The following PHLDB2 variants were observed in gnomAD, a reference collection of about 807,000 sequenced individuals.
The protein encoded by PHLDB2 is pleckstrin homology like domain family B member 2.
PHLDB2 carries 71 observed loss-of-function variants against 123.6 expected under a neutral mutation model. That is an observed-to-expected ratio of 0.57 (90% confidence interval 0.47 to 0.70). PHLDB2 has a LOEUF of 0.70. Ranked by LOEUF, PHLDB2 falls within the 30% of genes least tolerant of loss-of-function variation. PHLDB2 has a pLI of 0.00. For missense variants in PHLDB2, 1,446 were observed against 1,519.5 expected (o/e 0.95, Z 0.80); for synonymous variants, 547 against 541.6 (o/e 1.01, Z -0.14).
At chr3:111,926,384 A>G (rs1233802025) in intron 5 of PHLDB2, among the ~76,000 whole-genome samples, 1 of 152,224 alleles carries the variant, frequency 6.6e-6, no homozygotes, top group Admixed American at 6.5e-5. Flanking sequence ...TCTTGAGTGC[A>G]GAACAGGTGC....
intron 6 of PHLDB2, among the ~76,000 whole-genome samples, chr3:111,935,787 G>A (rs2069454548): frequency 6.7e-6 from 1 of 148,512 alleles, no homozygotes; most frequent in Admixed American, 6.8e-5. Flanking sequence ...AGCCACTCTG[G>A]CAGCTGATTA....
chr3:111,942,410 T>C (rs2069963297), intron 8 of PHLDB2, among the ~76,000 whole-genome samples: 1 of 152,236 alleles, frequency 6.6e-6, no homozygotes, highest in Non-Finnish European at 1.5e-5. Flanking sequence ...AATGTATTTG[T>C]AACCTCTAAA....
Position 111,945,111 on chromosome 3 carries a change from G to A in PHLDB2, c.2398-157G>A, listed in dbSNP as rs531677483. 9.2e-5 allele frequency among the ~76,000 whole-genome samples: 14 copies of A among 152,270 alleles called. No individual in the cohort carries two copies. The South Asian group carries it at 2.7e-3, about 29-fold the overall frequency. On this transcript the variant is annotated intron_variant, in intron 8 of 17. Transcript: ENST00000431670. Reference sequence around the variant, plus strand: ...ATCAGCTAGCAGAAGATGACCTCTAGTATACAGATTTGAAATTTTGACTGA... The same window carrying A: ...ATCAGCTAGCAGAAGATGACCTCTAATATACAGATTTGAAATTTTGACTGA...
At chr3:111,758,470 A>C (rs1403654190) in intron 1 of PHLDB2, among the ~76,000 whole-genome samples, 1 of 152,154 alleles carries the variant, frequency 6.6e-6, no homozygotes, top group Non-Finnish European at 1.5e-5. Context: ...GCGCAGTATT[A>C]GGGTGGGAGT....
chr3:111,937,021 T>C (rs1045176783), intron 6 of PHLDB2, among the ~76,000 whole-genome samples: 8 of 152,232 alleles, frequency 5.3e-5, no homozygotes, highest in Admixed American at 3.9e-4. Context: ...ACTTGAAATG[T>C]CAACCAAACA....
intron 1 of PHLDB2, among the ~76,000 whole-genome samples, chr3:111,777,976 A>G (rs1418827228): frequency 6.6e-6 from 1 of 151,886 alleles, no homozygotes; most frequent in Non-Finnish European, 1.5e-5. Context: ...ACTCCAGCAG[A>G]TATGTTTTAT....
intron 1 of PHLDB2, among the ~76,000 whole-genome samples, chr3:111,772,776 G>T (rs2060200653): frequency 6.6e-6 from 1 of 152,120 alleles, no homozygotes; most frequent in Non-Finnish European, 1.5e-5. Context: ...TGCCTTGACT[G>T]TCCATGGACC....
chr3:111,876,377 C>T (rs1341795692), intron 1 of PHLDB2, among the ~76,000 whole-genome samples: 1 of 152,104 alleles, frequency 6.6e-6, no homozygotes, highest in East Asian at 1.9e-4. Flanking sequence ...CTGCATATAA[C>T]TTTTTACTCC....
At chr3:111,952,848 C>A in intron 11 of PHLDB2, 136 bp downstream of exon 11, 1 of 1,073,186 alleles carries the variant, frequency 9.3e-7, no homozygotes, top group Non-Finnish European at 1.3e-6. Context: ...GACATCAGGA[C>A]TAAATCTCAT....
intron 2 of PHLDB2, among the ~76,000 whole-genome samples, chr3:111,887,363 C>T (rs755867986): frequency 6.6e-6 from 1 of 152,172 alleles, no homozygotes; most frequent in Non-Finnish European, 1.5e-5. Context: ...AAATTTGACA[C>T]TCTAGACTTG....
chr3:111,939,692 A>G, intron 7 of PHLDB2, 62 bp downstream of exon 7: 1 of 1,484,496 alleles, frequency 6.7e-7, no homozygotes, highest in Non-Finnish European at 9.2e-7. Flanking sequence ...TAACATAGCT[A>G]TGACATATGT....
At chr3:111,921,627 G>T (rs11919759) in intron 5 of PHLDB2, among the ~76,000 whole-genome samples, 1,546 of 90,038 alleles carry the variant, frequency 0.017, 39 homozygotes, top group African/African-American at 0.059. Flanking sequence ...TTTTTGAAAC[G>T]GAGTCTCACT....
Position 111,969,707 on chromosome 3 carries a change from C to G in PHLDB2, c.3333C>G (p.Arg1111=), listed in dbSNP as rs368092915. The change falls in exon 16 of 18, where the codon CGC becomes CGG. Residue 1111 remains arginine, a synonymous_variant. Coordinates refer to ENST00000431670, the MANE Select transcript of PHLDB2 (RefSeq NM_001134438.2). The stretch of plus-strand genomic sequence containing the variant: ...TTTTCCAGGCTCGTCCTTTGACACG[C>G]TACCTGCCTGTCCGGAAGGAAGACT... ...RQRAQARPLT[R]YLPVRKEDFD... 2.5e-6 allele frequency: 4 copies of G among 1,613,834 alleles called. No individual in the cohort carries two copies. In the African/African-American group the frequency reaches 4.0e-5, roughly 16 times the overall value.
At chr3:111,943,904 A>C (rs1314172231) in intron 8 of PHLDB2, among the ~76,000 whole-genome samples, 2 of 152,252 alleles carry the variant, frequency 1.3e-5, no homozygotes, top group African/African-American at 4.8e-5. Context: ...ACATGTCTTC[A>C]TATAAAACTT....
rs554923064 is a variant in PHLDB2, at chr3:111,835,242, C to G, written c.-48-10579C>G. Among the ~76,000 whole-genome samples the G allele has an allele frequency of 6.5e-4, 99 of 152,256 alleles. 2 individuals carry two copies. Among genetic ancestry groups the G allele is most frequent in the Admixed American group, 1.9e-3 (29 of 15,276 alleles). ...GGGAAGAAACTTGCTTCCCATCACA[C>G]AGCTGTAGCATCTAGAGCTGTGGTT... On this transcript the variant is annotated intron_variant, in intron 1 of 17. Coordinates refer to the PHLDB2 transcript ENST00000393923.
chr3:111,803,096 T>C (rs2061438359), intron 1 of PHLDB2, among the ~76,000 whole-genome samples: 1 of 152,222 alleles, frequency 6.6e-6, no homozygotes, highest in African/African-American at 2.4e-5. Context: ...TATATGTTCA[T>C]AGTCTATATG....
intron 1 of PHLDB2, among the ~76,000 whole-genome samples, chr3:111,758,811 C>T (rs935578509): frequency 6.6e-6 from 1 of 152,156 alleles, no homozygotes; most frequent in African/African-American, 2.4e-5. Context: ...GAACCCATGG[C>T]TTGACATGTT....
intron 7 of PHLDB2, 51 bp from the exon 8 acceptor site, chr3:111,940,484 A>G (rs1227833219): frequency 9.3e-7 from 1 of 1,073,570 alleles, no homozygotes; most frequent in Non-Finnish European, 1.4e-6. Flanking sequence ...AGACTAGCAA[A>G]CCTTTGAGTG....
chr3:111,765,145 C>T (rs1050188778), intron 1 of PHLDB2, among the ~76,000 whole-genome samples: 2 of 152,138 alleles, frequency 1.3e-5, no homozygotes, highest in South Asian at 2.1e-4. Flanking sequence ...AATAGGCAGG[C>T]GTGAAACACT....
Sources: gnomAD v4.1 joint callset for allele counts (sites outside exome capture counted in the v4.1 genomes callset) on GRCh38, gnomAD v4.1.1 for gene constraint, MANE v1.5 for transcripts, NCBI Gene and HGNC (gene_info 2026-07-23, HGNC 2026-07-21) for gene names.